KDM2B: variants seen among roughly 807,000 people sequenced by gnomAD.
The protein encoded by KDM2B is lysine demethylase 2B, also known as lysine-specific demethylase 2B.
A neutral mutation model predicts 150.0 loss-of-function variants in KDM2B; 26 were observed. The observed-to-expected ratio is 0.17, with a 90% CI of 0.13 to 0.24. The LOEUF is 0.24. Ranked by LOEUF, KDM2B falls within the 10% of genes least tolerant of loss-of-function variation. KDM2B has a pLI of 1.00. For synonymous variants in KDM2B, 734 were observed against 729.5 expected (o/e 1.01, Z -0.10); for missense variants, 1,265 against 1,816.9 (o/e 0.70, Z 5.52).
intron 4 of KDM2B, among the ~76,000 whole-genome samples, chr12:121,566,003 C>T (rs549711237): frequency 6.6e-6 from 1 of 151,618 alleles, no homozygotes; most frequent in Non-Finnish European, 1.5e-5. Context: ...AAAGGGGAGA[C>T]CTTGACCTCA....
chr12:121,519,948 A>G (rs1886540615), intron 9 of KDM2B, among the ~76,000 whole-genome samples: 1 of 152,120 alleles, frequency 6.6e-6, no homozygotes, highest in African/African-American at 2.4e-5. Flanking sequence ...GATGGAGTGC[A>G]GTGGCGTGAT....
At chr12:121,567,507 G>A (rs909892141) in intron 4 of KDM2B, among the ~76,000 whole-genome samples, 2 of 152,028 alleles carry the variant, frequency 1.3e-5, no homozygotes, top group Non-Finnish European at 2.9e-5. Context: ...CCAGGAGTCT[G>A]AGAACAGCCT....
intron 4 of KDM2B, among the ~76,000 whole-genome samples, chr12:121,555,189 T>A (rs1467689237): frequency 6.6e-6 from 1 of 151,998 alleles, no homozygotes; most frequent in African/African-American, 2.4e-5. Context: ...TAAAAAATTT[T>A]AAAAAACAGT....
At chr12:121,446,351 C>T (rs1182867673) in intron 13 of KDM2B, among the ~76,000 whole-genome samples, 21 of 152,136 alleles carry the variant, frequency 1.4e-4, no homozygotes, top group Non-Finnish European at 3.1e-4. Flanking sequence ...TGAGCCGAGA[C>T]CATGCCACTG....
chr12:121,580,703 C>G (rs1209976166), intron 1 of KDM2B, 83 bp downstream of exon 1: 2 of 1,463,308 alleles, frequency 1.4e-6, no homozygotes, highest in African/African-American at 1.4e-5. Context: ...CCCCCAAAAA[C>G]GACCCCCCAC....
At chr12:121,579,524 A>T in intron 1 of KDM2B, 1 of 1,097,958 alleles carries the variant, frequency 9.1e-7, no homozygotes, top group Non-Finnish European at 1.2e-6. Context: ...GTGCAAGAAG[A>T]GGAGGTGGGG....
At chr12:121,484,789 GC>G (rs1356252153) in intron 12 of KDM2B, among the ~76,000 whole-genome samples, 1 of 152,070 alleles carries the variant, frequency 6.6e-6, no homozygotes, top group Non-Finnish European at 1.5e-5. Context: ...CTGCACTCCA[GC>G]CTGGGCAACA....
rs782322737 is a variant in KDM2B at position 121,513,911 on chromosome 12, G to C, written c.1048-509C>G. On this transcript the variant is annotated intron_variant, in intron 9 of 22. Coordinates refer to ENST00000377071, the MANE Select transcript of KDM2B (RefSeq NM_032590.5). The surrounding 1 kb of genome is among the most constrained non-coding windows in gnomAD (Gnocchi z 5.0). ...GAGCCTCCTCCTGTTTGTTGGGAGG[G>C]AGGCCAGGCCAGCGGACCAATAAGA... 5.3e-5 allele frequency among the ~76,000 whole-genome samples: 8 copies of C among 152,096 alleles called. No homozygotes were observed. Among genetic ancestry groups the C allele is most frequent in the Non-Finnish European group, 1.2e-4 (8 of 68,018 alleles).
the KDM2B span, chr12:121,417,473 T>C: frequency 6.3e-7 from 1 of 1,581,842 alleles, no homozygotes; most frequent in Non-Finnish European, 8.6e-7. The surrounding 1 kb of genome is among the most constrained non-coding windows in gnomAD (Gnocchi z 5.0). Flanking sequence ...GGTTTATATC[T>C]TGCTGTCATC....
At chr12:121,560,149 G>C (rs1273467402) in intron 4 of KDM2B, among the ~76,000 whole-genome samples, 1 of 151,872 alleles carries the variant, frequency 6.6e-6, no homozygotes, top group Non-Finnish European at 1.5e-5. Context: ...GGGACTATGG[G>C]CATGAGTCAC....
intron 12 of KDM2B, among the ~76,000 whole-genome samples, chr12:121,465,158 G>C (rs185203635): frequency 6.6e-6 from 1 of 152,136 alleles, no homozygotes; most frequent in Non-Finnish European, 1.5e-5. Context: ...TGCCACAATC[G>C]GCTTGACCAA....
intron 11 of KDM2B, among the ~76,000 whole-genome samples, chr12:121,508,136 G>A (rs1214857087): frequency 6.6e-6 from 1 of 152,146 alleles, no homozygotes. Context: ...GCCCAGGCTA[G>A]AGTGCAGTGG....
intron 12 of KDM2B, among the ~76,000 whole-genome samples, chr12:121,460,613 A>T (rs1555293614): frequency 6.6e-6 from 1 of 152,090 alleles, no homozygotes; most frequent in African/African-American, 2.4e-5. Context: ...CCACTATGTC[A>T]CACAGGCTGG....
Position 121,442,055 on chromosome 12 carries a change from G to A in KDM2B, c.3284+102C>T. 4.2e-6 allele frequency: 4 copies of A among 952,462 alleles called. No homozygotes were observed. The South Asian group carries it at 4.4e-5, about 10-fold the overall frequency. The allele number at this position is 952,462 out of a possible 1,614,324, so 59.0% of individuals were successfully genotyped here. On this transcript the variant is annotated intron_variant, in intron 19 of 22. Coordinates refer to ENST00000377071, the MANE Select transcript of KDM2B (RefSeq NM_032590.5). This position sits in a 1 kb window ranked among gnomAD's most constrained non-coding sequence, Gnocchi z 7.7. ...TGCGGAGCACAATGAAGCCATACTG[G>A]GGTTTGGAAGGAAAGAGCATCGCCA... is the stretch of plus-strand genomic sequence containing the variant.
At chr12:121,532,714 C>A in intron 8 of KDM2B, 92 bp downstream of exon 8, 1 of 1,384,348 alleles carries the variant, frequency 7.2e-7, no homozygotes, top group Non-Finnish European at 1.0e-6. Context: ...CTGTCAAACC[C>A]ACCAGGCCCA....
chr12:121,442,824 TCCAGGA>T lies in KDM2B; in HGVS notation c.2611_2616del (p.Ser871_Trp872del). The T allele has an allele frequency of 6.6e-7, 1 of 1,522,090 alleles. No individual in the cohort carries two copies. The highest frequency in any genetic ancestry group is 8.8e-7 in the Non-Finnish European group (1 of 1,140,284). 94.3% of individuals were successfully genotyped at this position (1,522,090 alleles called of 1,614,324 possible). The stretch of plus-strand genomic sequence containing the variant: ...AGCGCCATGCGGTCCTCGGCGTTCT[TCCAGGA>T]CCGCCGCTGAGGGCGAGAGCGGAGA... On this transcript the variant is annotated inframe_deletion, in exon 19 of 23. Coordinates refer to ENST00000377071, the MANE Select transcript of KDM2B (RefSeq NM_032590.5). This position sits in a 1 kb window ranked among gnomAD's most constrained non-coding sequence, Gnocchi z 7.7.
At chr12:121,563,588 T>C (rs1594136373) in intron 4 of KDM2B, among the ~76,000 whole-genome samples, 1 of 148,712 alleles carries the variant, frequency 6.7e-6, no homozygotes, top group South Asian at 2.1e-4. Flanking sequence ...GCCTGGGTGA[T>C]AGAGTGAGAC....
chr12:121,465,290 C>G (rs1555294553), intron 12 of KDM2B, among the ~76,000 whole-genome samples: 2 of 152,168 alleles, frequency 1.3e-5, no homozygotes, highest in African/African-American at 4.8e-5. Context: ...TGCAGTGGCA[C>G]GATCTCGGCT....
chr12:121,476,536 T>C (rs990004768), intron 12 of KDM2B, among the ~76,000 whole-genome samples: 3 of 152,144 alleles, frequency 2.0e-5, no homozygotes, highest in African/African-American at 7.2e-5. Flanking sequence ...AGAGTGACTT[T>C]AGGTCCTATT....
Sources: gnomAD v4.1 joint callset for allele counts (sites outside exome capture counted in the v4.1 genomes callset) on GRCh38, gnomAD v4.1.1 for gene constraint, Gnocchi (gnomAD v3.1) non-coding constraint, MANE v1.5 for transcripts, NCBI Gene and HGNC (gene_info 2026-07-23, HGNC 2026-07-21) for gene names.